Variants in CALN1 observed in about 807,000 individuals in gnomAD.
CALN1 encodes calcium-binding protein 8.
In CALN1, 17 loss-of-function variants were observed where a neutral mutation model predicts 30.6. That is an observed-to-expected ratio of 0.56 (90% CI 0.38 to 0.83). The LOEUF is 0.83. Among genes scored for constraint, CALN1 ranks in the 40% least tolerant of loss-of-function variants. CALN1 has a pLI of 0.00. For synonymous variants in CALN1, 156 were observed against 131.4 expected, an observed-to-expected ratio of 1.19 and a Z score of -1.28; for missense variants, 291 against 354.9, an observed-to-expected ratio of 0.82 and a Z score of 1.45.
chr7:71,930,959 GA>G (rs1795520308), intron 5 of CALN1, among the ~76,000 whole-genome samples: 1 of 152,124 alleles, frequency 6.6e-6, no homozygotes, highest in Non-Finnish European at 1.5e-5. Flanking sequence ...CATGTTTCTA[GA>G]CAGAGGTCTG....
chr7:71,954,294 C>A (rs1796848733), intron 5 of CALN1, among the ~76,000 whole-genome samples: 2 of 151,924 alleles, frequency 1.3e-5, no homozygotes, highest in East Asian at 1.9e-4. Flanking sequence ...CCTGTCTCTA[C>A]TAAAAATACA....
rs144226225 is a variant in CALN1 at position 71,878,102 on chromosome 7, T to C, written c.502-67610A>G. On this transcript the variant is annotated intron_variant, in intron 5 of 6. Transcript: ENST00000395275. ...GCTAAGGAATACTCTCAAATCAATA[T>C]AGTGTTGACCAAAAAGAAGACAAAC... 2.0e-3 allele frequency among the ~76,000 whole-genome samples: 307 copies of C among 152,244 alleles called. 1 individual carries two copies. The highest frequency in any genetic ancestry group is 3.4e-3 in the Non-Finnish European group (234 of 68,002).
intron 2 of CALN1, among the ~76,000 whole-genome samples, chr7:72,347,206 C>T (rs1002857291): frequency 1.3e-4 from 19 of 151,944 alleles, no homozygotes; most frequent in African/African-American, 4.1e-4. Flanking sequence ...ATCATCATTA[C>T]ATTTCTAAAA....
intron 3 of CALN1, among the ~76,000 whole-genome samples, chr7:72,255,285 G>A (rs1035078694): frequency 3.3e-5 from 5 of 151,628 alleles, no homozygotes; most frequent in African/African-American, 7.3e-5. Context: ...TAGAGACAGG[G>A]TTTCACCACG....
chr7:72,041,437 G>A (rs930364781), intron 4 of CALN1, among the ~76,000 whole-genome samples: 2 of 152,036 alleles, frequency 1.3e-5, no homozygotes, highest in Non-Finnish European at 2.9e-5. Flanking sequence ...AGGCTAGAGT[G>A]CAGTGGTACG....
intron 2 of CALN1, among the ~76,000 whole-genome samples, chr7:72,401,760 T>TG (rs1182643129): frequency 1.3e-5 from 2 of 152,226 alleles, no homozygotes; most frequent in Non-Finnish European, 2.9e-5. Context: ...CAAAAAGATT[T>TG]GTCTGTTTGC....
chr7:71,826,320 C>T (rs61429649), intron 5 of CALN1, among the ~76,000 whole-genome samples: 178 of 152,200 alleles, frequency 1.2e-3, no homozygotes, highest in African/African-American at 4.1e-3. Context: ...AACACCCAAA[C>T]GAAGATTGAG....
intron 3 of CALN1, among the ~76,000 whole-genome samples, chr7:72,225,407 G>T (rs1468630538): frequency 6.6e-6 from 1 of 151,996 alleles, no homozygotes. Flanking sequence ...CGGGGGAGGG[G>T]CAACGATACC....
At chr7:71,810,833 G>A (rs1341299999) in intron 5 of CALN1, among the ~76,000 whole-genome samples, 2 of 151,258 alleles carry the variant, frequency 1.3e-5, no homozygotes, top group African/African-American at 2.4e-5. Context: ...TAATGCATAC[G>A]TCTCTAAAAT....
chr7:72,135,300 T>C (rs1166051727), intron 3 of CALN1, among the ~76,000 whole-genome samples: 1 of 152,240 alleles, frequency 6.6e-6, no homozygotes, highest in East Asian at 1.9e-4. Context: ...AGGCTTTAAA[T>C]TTACATTGCC....
At chr7:72,009,272 A>C (rs1245692053) in intron 5 of CALN1, among the ~76,000 whole-genome samples, 1 of 152,214 alleles carries the variant, frequency 6.6e-6, no homozygotes, top group Non-Finnish European at 1.5e-5. Context: ...ACTAACAATG[A>C]CACTTGTAAT....
intron 1 of CALN1, among the ~76,000 whole-genome samples, chr7:72,418,559 A>G (rs886164680): frequency 2.0e-5 from 3 of 152,162 alleles, no homozygotes; most frequent in Non-Finnish European, 4.4e-5. Context: ...TTACCACAGT[A>G]TCCCCAGTAC....
intron 2 of CALN1, among the ~76,000 whole-genome samples, chr7:72,309,552 T>A (rs954503410): frequency 6.6e-6 from 1 of 151,944 alleles, no homozygotes; most frequent in African/African-American, 2.4e-5. Context: ...AACGGCAACA[T>A]GCGTGACCAA....
At position 72,287,060 on chromosome 7, in the gene CALN1, C is replaced by T. The variant is rs564507799; in HGVS notation, c.120-8250G>A. On this transcript the variant is annotated intron_variant, in intron 2 of 6. Coordinates refer to ENST00000395275, the MANE Select transcript of CALN1 (RefSeq NM_031468.4). ...GCAGAATGAAAATCTGCATTAAAGG[C>T]AATGAAGAGTATTTCAAAGAAACAG... 1.7e-3 allele frequency among the ~76,000 whole-genome samples: 256 copies of T among 152,250 alleles called. 5 individuals carry two copies. The highest frequency in any genetic ancestry group is 0.01 in the Middle Eastern group (3 of 294).
At chr7:72,025,299 A>C (rs1001225915) in intron 4 of CALN1, among the ~76,000 whole-genome samples, 2 of 152,110 alleles carry the variant, frequency 1.3e-5, no homozygotes, top group Admixed American at 1.3e-4. Flanking sequence ...AATAAGAGCA[A>C]GACTCCATCT....
intron 2 of CALN1, among the ~76,000 whole-genome samples, chr7:72,385,262 A>T (rs1351903546): frequency 6.6e-6 from 1 of 152,198 alleles, no homozygotes; most frequent in East Asian, 1.9e-4. Flanking sequence ...CTAAACGTTA[A>T]TCTTATCACA....
the CALN1 span, among the ~76,000 whole-genome samples, chr7:72,490,202 A>G: frequency 6.6e-6 from 1 of 152,182 alleles, no homozygotes; most frequent in African/African-American, 2.4e-5. Flanking sequence ...TTCCACATCA[A>G]TCTAACCCCC....
intron 2 of CALN1, among the ~76,000 whole-genome samples, chr7:72,295,004 T>C (rs1221991986): frequency 6.6e-6 from 1 of 151,734 alleles, no homozygotes; most frequent in African/African-American, 2.4e-5. Context: ...ATTTAAAAAG[T>C]TGGTCTACCA....
intron 3 of CALN1, among the ~76,000 whole-genome samples, chr7:72,212,222 A>G (rs1792455005): frequency 6.6e-6 from 1 of 151,758 alleles, no homozygotes; most frequent in South Asian, 2.1e-4. Context: ...GGTGGCAGGC[A>G]CCTGTAATCC....
Sources: gnomAD v4.1 joint callset for allele counts (sites outside exome capture counted in the v4.1 genomes callset) on GRCh38, gnomAD v4.1.1 for gene constraint, MANE v1.5 for transcripts, NCBI Gene and HGNC (gene_info 2026-07-23, HGNC 2026-07-21) for gene names.